Variants in LMO7 observed in about 807,000 individuals in gnomAD.
LMO7 encodes the protein LIM domain 7.
LMO7 carries 120 observed loss-of-function variants against 206.5 expected under a neutral mutation model. That is an observed-to-expected ratio of 0.58 (90% confidence interval 0.50 to 0.68). The LOEUF is 0.68. Among genes scored for constraint, LMO7 ranks in the 30% least tolerant of loss-of-function variants. The probability of loss-of-function intolerance (pLI) is 0.00; values close to 1 mark genes in which losing one functional copy is unlikely to be tolerated. For synonymous variants in LMO7, 706 were observed against 681.5 expected, an observed-to-expected ratio of 1.04 and a Z score of -0.56; for missense variants, 1,959 against 1,957.9, an observed-to-expected ratio of 1.00 and a Z score of -0.01.
chr13:75,764,188 A>C (rs2048555829), intron 4 of LMO7, among the ~76,000 whole-genome samples: 1 of 152,118 alleles, frequency 6.6e-6, no homozygotes, highest in Admixed American at 6.6e-5. Context: ...TTTTCTTCTC[A>C]AAATGCTAAT....
intron 3 of LMO7, among the ~76,000 whole-genome samples, chr13:75,730,225 C>G (rs1296474727): frequency 6.6e-6 from 1 of 152,122 alleles, no homozygotes; most frequent in Non-Finnish European, 1.5e-5. Context: ...CCTTGTACCT[C>G]TGGTAGTATT....
chr13:75,702,299 G>T (rs1242514054), intron 1 of LMO7, among the ~76,000 whole-genome samples: 1 of 152,096 alleles, frequency 6.6e-6, no homozygotes, highest in Non-Finnish European at 1.5e-5. Context: ...CCAAGAGAAG[G>T]TGAAGTTGGA....
intron 4 of LMO7, among the ~76,000 whole-genome samples, chr13:75,777,920 C>T (rs2050756092): frequency 6.6e-6 from 1 of 152,120 alleles, no homozygotes; most frequent in South Asian, 2.1e-4. Context: ...GCTGGGATTA[C>T]AGGCGTAAGC....
At chr13:75,777,440 A>G (rs555531016) in intron 4 of LMO7, among the ~76,000 whole-genome samples, 4 of 152,266 alleles carry the variant, frequency 2.6e-5, no homozygotes, top group African/African-American at 7.2e-5. Context: ...TTCATGTTGC[A>G]TACCTATTTT....
intron 1 of LMO7, among the ~76,000 whole-genome samples, chr13:75,675,361 A>G (rs2039921921): frequency 6.6e-6 from 1 of 152,140 alleles, no homozygotes; most frequent in South Asian, 2.1e-4. Context: ...GGCATGAGCC[A>G]CCGTGCCCGG....
intron 1 of LMO7, among the ~76,000 whole-genome samples, chr13:75,697,827 G>C (rs1179027932): frequency 1.3e-5 from 2 of 152,202 alleles, no homozygotes; most frequent in African/African-American, 4.8e-5. Flanking sequence ...AGAGCTGTCA[G>C]TGTATCTACT....
At chr13:75,852,595 GGTGGTTC>G (rs1164777779) in intron 27 of LMO7, among the ~76,000 whole-genome samples, 1 of 152,212 alleles carries the variant, frequency 6.6e-6, no homozygotes, top group Non-Finnish European at 1.5e-5. Context: ...TAATTTTACA[GGTGGTTC>G]TCAACTTTCA....
chr13:75,679,938 G>A (rs757029851), intron 1 of LMO7, among the ~76,000 whole-genome samples: 3 of 152,152 alleles, frequency 2.0e-5, no homozygotes, highest in Non-Finnish European at 4.4e-5. Flanking sequence ...CAGGATACAT[G>A]TGCAGAATGT....
chr13:75,636,222 A>T (rs1398203236), upstream of LMO7: 5 of 799,920 alleles, frequency 6.3e-6, no homozygotes, highest in Non-Finnish European at 7.1e-6. Flanking sequence ...GAGCCAAGGG[A>T]GGGGCAGACG....
chr13:75,653,884 G>C (rs1217860645), intron 1 of LMO7, among the ~76,000 whole-genome samples: 1 of 152,238 alleles, frequency 6.6e-6, no homozygotes, highest in East Asian at 1.9e-4. Flanking sequence ...ATAAACTTAG[G>C]TAAGTTTGTA....
At chr13:75,793,620 T>G (rs759273435) in intron 4 of LMO7, among the ~76,000 whole-genome samples, 31 of 152,202 alleles carry the variant, frequency 2.0e-4, no homozygotes, top group Non-Finnish European at 2.8e-4. Flanking sequence ...TACTCAAGAG[T>G]TAAGCTATGG....
intron 4 of LMO7, among the ~76,000 whole-genome samples, chr13:75,783,994 C>T (rs1043213220): frequency 5.3e-5 from 8 of 152,238 alleles, no homozygotes; most frequent in Middle Eastern, 3.4e-3. Context: ...TGAGATCCAC[C>T]GAAACAGTGG....
At chr13:75,826,501 T>A (rs769522509) in intron 15 of LMO7, among the ~76,000 whole-genome samples, 43 of 152,170 alleles carry the variant, frequency 2.8e-4, no homozygotes, top group Non-Finnish European at 1.5e-4. Context: ...CTCTAAAGCC[T>A]CTAGTGGCAC....
At chr13:75,838,100 T>C (rs371065083) in intron 19 of LMO7, 40 bp from the exon 20 acceptor site, 14 of 1,225,422 alleles carry the variant, frequency 1.1e-5, no homozygotes, top group Non-Finnish European at 1.7e-5. Flanking sequence ...TGGTGAGAAA[T>C]AAAAATGAAT....
intron 4 of LMO7, among the ~76,000 whole-genome samples, chr13:75,773,149 A>T (rs540683275): frequency 6.6e-6 from 1 of 152,128 alleles, no homozygotes; most frequent in Non-Finnish European, 1.5e-5. Flanking sequence ...AACATTTCAC[A>T]GAGTCTTCTG....
chr13:75,849,020 C>A, intron 26 of LMO7, 59 bp from the exon 27 acceptor site: 1 of 981,968 alleles, frequency 1.0e-6, no homozygotes, highest in Non-Finnish European at 1.6e-6. Context: ...TGATGTCAAT[C>A]ATCACTGTCA....
chr13:75,774,010 C>A lies in LMO7; in HGVS notation c.317+12972C>A, dbSNP rs2050071060. On this transcript the variant is annotated intron_variant, in intron 4 of 30. Transcript: ENST00000377534. ...CTGCTGACTCCAAAACCAAGCCATA[C>A]TTTTTCTATGCTGTTTTCTTCTCTA... 2.0e-5 allele frequency among the ~76,000 whole-genome samples: 3 copies of A among 152,032 alleles called. No individual in the cohort carries two copies. In the South Asian group the frequency reaches 6.2e-4, roughly 32 times the overall value.
chr13:75,815,768 A>C (rs944136480), intron 11 of LMO7, among the ~76,000 whole-genome samples: 3 of 152,164 alleles, frequency 2.0e-5, no homozygotes, highest in Non-Finnish European at 4.4e-5. Flanking sequence ...ATAGAGATGG[A>C]AAGAAAGAGA....
At chr13:75,663,432 C>CTTTCTTTCTTTCTTTCTT (rs1555289857) in intron 1 of LMO7, among the ~76,000 whole-genome samples, 25 of 111,374 alleles carry the variant, frequency 2.2e-4, no homozygotes, top group South Asian at 5.8e-4. Flanking sequence ...TTCTTTCTTT[C>CTTTCTTTCTTTCTTTCTT]TTTTTTTTTT....
Sources: allele counts gnomAD v4.1 joint callset (sites outside exome capture counted in the v4.1 genomes callset), GRCh38; gene constraint gnomAD v4.1.1; transcripts MANE v1.5; gene names NCBI Gene and HGNC (gene_info 2026-07-23, HGNC 2026-07-21).